The following PCNX2 variants were observed in gnomAD, a reference collection of about 807,000 sequenced individuals.
The protein encoded by PCNX2 is pecanex-like protein 2.
Under a neutral mutation model 223.8 loss-of-function variants are expected in PCNX2, and 168 were observed. The observed-to-expected ratio is 0.75, with a 90% CI of 0.66 to 0.85. PCNX2 has a LOEUF of 0.85. Among genes scored for constraint, PCNX2 ranks in the 40% least tolerant of loss-of-function variants. The pLI is 0.00. For missense variants in PCNX2, 2,507 were observed against 2,675.5 expected (o/e 0.94, Z 1.39); for synonymous variants, 1,006 against 1,052.6 (o/e 0.96, Z 0.86).
At position 233,258,705 on chromosome 1, in the gene PCNX2, G is replaced by A. The variant is rs1659876936; in HGVS notation, c.1157C>T (p.Ser386Phe). The A allele has an allele frequency of 6.2e-7, 1 of 1,613,844 alleles. No individual in the cohort carries two copies. Among genetic ancestry groups the A allele is most frequent in the South Asian group, 1.1e-5 (1 of 91,078 alleles). The change falls in exon 5 of 34, where the codon TCC (serine) becomes TTC (phenylalanine). Residue 386 changes from serine (S) to phenylalanine (F), a missense_variant. Transcript: ENST00000258229. Reference sequence around the variant, plus strand: ...GAGGGAGCTTTCCAAATCTGTCATGGAGTTTGGGGTACTGCTCATCGTGAT... The same window carrying A: ...GAGGGAGCTTTCCAAATCTGTCATGAAGTTTGGGGTACTGCTCATCGTGAT... Reference protein sequence around the residue: ...IVITMSSTPNSMTDLESSLHL... With the variant: ...IVITMSSTPNFMTDLESSLHL...
chr1:233,023,376 A>C (rs1020128886), intron 26 of PCNX2, among the ~76,000 whole-genome samples: 1 of 152,208 alleles, frequency 6.6e-6, no homozygotes, highest in Admixed American at 6.5e-5. Flanking sequence ...CTGATGGGAT[A>C]CAACAGGAGG....
At chr1:233,129,026 T>G (rs1676268780) in intron 21 of PCNX2, among the ~76,000 whole-genome samples, 1 of 152,222 alleles carries the variant, frequency 6.6e-6, no homozygotes, top group Non-Finnish European at 1.5e-5. Context: ...CTGGCCATGC[T>G]TGGGGAGCCC....
intron 1 of PCNX2, chr1:233,289,461 G>A (rs1356840751): frequency 7.5e-6 from 9 of 1,196,322 alleles, no homozygotes; most frequent in Admixed American, 1.7e-5. Context: ...CTTCTCCTGG[G>A]AGAACTTGCC....
chr1:233,312,063 G>A, the PCNX2 span, among the ~76,000 whole-genome samples: 5 of 152,108 alleles, frequency 3.3e-5, no homozygotes, highest in Admixed American at 1.3e-4. Context: ...GGGAGGCGGA[G>A]GTTGCAGTGA....
chr1:233,223,022 A>G (rs1453769474), intron 10 of PCNX2, among the ~76,000 whole-genome samples: 1 of 152,224 alleles, frequency 6.6e-6, no homozygotes, highest in Non-Finnish European at 1.5e-5. Context: ...AGGAGGGCAG[A>G]TAGAGAAAGA....
At chr1:233,103,600 T>C (rs886399429) in intron 21 of PCNX2, among the ~76,000 whole-genome samples, 6 of 152,288 alleles carry the variant, frequency 3.9e-5, no homozygotes, top group Middle Eastern at 3.4e-3. Flanking sequence ...ATCCATGTTG[T>C]TGCAAATGAT....
intron 17 of PCNX2, chr1:233,172,405 C>G: frequency 4.1e-6 from 4 of 985,428 alleles, no homozygotes; most frequent in Non-Finnish European, 4.8e-6. Flanking sequence ...GTTGTTTGAA[C>G]TTGTGCTGCA....
upstream of PCNX2, among the ~76,000 whole-genome samples, chr1:233,298,750 G>A (rs1208170813): frequency 2.6e-5 from 4 of 152,074 alleles, no homozygotes; most frequent in African/African-American, 9.7e-5. Flanking sequence ...TGAGCCGGGT[G>A]TGGTGGTGTG....
chr1:233,304,133 G>A, the PCNX2 span, among the ~76,000 whole-genome samples: 1 of 152,092 alleles, frequency 6.6e-6, no homozygotes, highest in Non-Finnish European at 1.5e-5. Flanking sequence ...TTTTAAAGGG[G>A]TCAGAAATAT....
chr1:233,293,102 T>C (rs935861792), intron 1 of PCNX2, among the ~76,000 whole-genome samples: 16 of 152,180 alleles, frequency 1.1e-4, no homozygotes, highest in Non-Finnish European at 2.4e-4. Flanking sequence ...CAATAAAGCA[T>C]AGTTAGGTAG....
intron 10 of PCNX2, among the ~76,000 whole-genome samples, chr1:233,220,650 T>G (rs1657315183): frequency 2.0e-5 from 3 of 152,224 alleles, no homozygotes; most frequent in Admixed American, 6.5e-5. Flanking sequence ...ACTGTTGAGT[T>G]TTAAGTGTTC....
At chr1:233,325,740 A>T in the PCNX2 span, among the ~76,000 whole-genome samples, 2 of 152,188 alleles carry the variant, frequency 1.3e-5, no homozygotes, top group Non-Finnish European at 2.9e-5. Context: ...CTTGAGATGG[A>T]ATCTACTCCC....
the PCNX2 span, among the ~76,000 whole-genome samples, chr1:233,325,544 TG>T: frequency 2.7e-5 from 4 of 148,282 alleles, no homozygotes; most frequent in African/African-American, 9.9e-5. Context: ...GGCGTGGTGG[TG>T]GGCACCTGTA....
chr1:233,130,553 C>T (rs551651856), intron 21 of PCNX2, among the ~76,000 whole-genome samples: 26 of 151,464 alleles, frequency 1.7e-4, no homozygotes, highest in African/African-American at 5.6e-4. Context: ...GGCGCAATCT[C>T]GGCTCACTGC....
intron 21 of PCNX2, among the ~76,000 whole-genome samples, chr1:233,129,031 G>T (rs1676269682): frequency 6.6e-6 from 1 of 152,248 alleles, no homozygotes; most frequent in Non-Finnish European, 1.5e-5. Context: ...CATGCTTGGG[G>T]AGCCCTTCAG....
In PCNX2 at chr1:233,252,356, T is replaced by C. The variant is rs928523170; in HGVS notation, c.2126A>G (p.His709Arg). Residue 709 changes from histidine (H) to arginine (R), a missense_variant and splice_region_variant, in exon 7 of 34, where the codon CAT becomes CGT. By Grantham distance (29) the His-to-Arg change is conservative. Around this residue, in one of 3 missense-constraint regions of PCNX2, gnomAD observed 1,031 missense variants for 1,021.7 expected, o/e 1.01. Coordinates refer to ENST00000258229, the MANE Select transcript of PCNX2 (RefSeq NM_014801.4). Reference sequence around the variant, plus strand: ...AGTAAAGAGCTCCAAAGACTCACCATGTTCATCAATGAAGACATGCATAGC... The same window carrying C: ...AGTAAAGAGCTCCAAAGACTCACCACGTTCATCAATGAAGACATGCATAGC... ...VDAMHVFIDEHGEIRSCYLKS... is the reference protein window; with the variant it reads ...VDAMHVFIDERGEIRSCYLKS... 3.1e-6 allele frequency: 5 copies of C among 1,604,098 alleles called. No individual in the cohort carries two copies. The highest frequency in any genetic ancestry group is 4.3e-6 in the Non-Finnish European group (5 of 1,173,734).
chr1:233,194,328 A>AGGTG (rs1301337342), intron 15 of PCNX2, among the ~76,000 whole-genome samples: 23 of 101,138 alleles, frequency 2.3e-4, no homozygotes, highest in African/African-American at 8.6e-4. Flanking sequence ...GCAAAATGAG[A>AGGTG]TGTGTTTCAG....
the PCNX2 span, among the ~76,000 whole-genome samples, chr1:233,302,600 C>T: frequency 6.6e-6 from 1 of 150,662 alleles, no homozygotes; most frequent in South Asian, 2.1e-4. Context: ...TTTCTATCTT[C>T]TTGAGATGTA....
At chr1:233,254,696 TACGC>T (rs960225198) in intron 5 of PCNX2, among the ~76,000 whole-genome samples, 1 of 150,902 alleles carries the variant, frequency 6.6e-6, no homozygotes, top group African/African-American at 2.4e-5. Context: ...TTCCTAGATA[TACGC>T]ACTTTTTTTT....
Sources: allele counts gnomAD v4.1 joint callset (sites outside exome capture counted in the v4.1 genomes callset), GRCh38; gene constraint gnomAD v4.1.1; regional missense constraint gnomAD v4.1.1; transcripts MANE v1.5; gene names NCBI Gene and HGNC (gene_info 2026-07-23, HGNC 2026-07-21).